Variants in COL24A1 observed in about 807,000 individuals in gnomAD.
COL24A1 encodes collagen alpha-1(XXIV) chain.
COL24A1 carries 224 observed loss-of-function variants against 253.9 expected under a neutral mutation model. That is an observed-to-expected ratio of 0.88 (90% CI 0.79 to 0.99). COL24A1 has a LOEUF of 0.99. Among genes scored for constraint, COL24A1 ranks in the 50% least tolerant of loss-of-function variants. The probability of loss-of-function intolerance (pLI) is 0.00; values close to 1 mark genes in which losing one functional copy is unlikely to be tolerated. For synonymous variants in COL24A1, 685 were observed against 673.7 expected (o/e 1.02, Z -0.26); for missense variants, 2,131 against 2,068.5 (o/e 1.03, Z -0.59).
At chr1:86,132,976 A>G (rs1034369242) in intron 2 of COL24A1, among the ~76,000 whole-genome samples, 1 of 148,976 alleles carries the variant, frequency 6.7e-6, no homozygotes, top group African/African-American at 2.4e-5. Context: ...CTTTTTCACG[A>G]TATTGATTCT....
intron 8 of COL24A1, among the ~76,000 whole-genome samples, chr1:86,061,278 A>G (rs1465093959): frequency 6.6e-6 from 1 of 152,098 alleles, no homozygotes; most frequent in Non-Finnish European, 1.5e-5. Context: ...ATCCAATTCC[A>G]AAACACATAG....
At chr1:85,942,384 C>T (rs1317433787) in intron 24 of COL24A1, among the ~76,000 whole-genome samples, 1 of 152,110 alleles carries the variant, frequency 6.6e-6, no homozygotes, top group Non-Finnish European at 1.5e-5. Context: ...TTACTTATTC[C>T]TGCTGGTTTT....
At chr1:85,821,474 T>G (rs2101970775) in intron 45 of COL24A1, among the ~76,000 whole-genome samples, 1 of 152,310 alleles carries the variant, frequency 6.6e-6, no homozygotes, top group African/African-American at 2.4e-5. Flanking sequence ...CAGATAATTT[T>G]AAAGGGTCAT....
chr1:85,834,621 C>T (rs937798074), intron 43 of COL24A1, among the ~76,000 whole-genome samples: 2 of 152,160 alleles, frequency 1.3e-5, no homozygotes, highest in Admixed American at 1.3e-4. Flanking sequence ...CCGCCCACAG[C>T]AAAAAGAACT....
At chr1:85,988,169 A>G (rs1417057938) in intron 19 of COL24A1, among the ~76,000 whole-genome samples, 1 of 151,786 alleles carries the variant, frequency 6.6e-6, no homozygotes, top group Admixed American at 6.6e-5. Context: ...ATCTAACCCA[A>G]CTATCTTATT....
At chr1:86,000,314 C>G (rs1695279092) in intron 19 of COL24A1, among the ~76,000 whole-genome samples, 1 of 152,120 alleles carries the variant, frequency 6.6e-6, no homozygotes, top group Non-Finnish European at 1.5e-5. Flanking sequence ...TCGTTCTTCC[C>G]AACTAGACTA....
intron 28 of COL24A1, among the ~76,000 whole-genome samples, chr1:85,896,685 A>T (rs1234233874): frequency 2.0e-5 from 3 of 152,178 alleles, no homozygotes; most frequent in Non-Finnish European, 4.4e-5. Flanking sequence ...TTTTTAGTAC[A>T]GACGGGGTTT....
At chr1:86,063,440 T>C (rs1293060791) in intron 8 of COL24A1, among the ~76,000 whole-genome samples, 3 of 151,926 alleles carry the variant, frequency 2.0e-5, no homozygotes, top group Non-Finnish European at 4.4e-5. Flanking sequence ...TTTATGAGAC[T>C]CTCAAAGGGG....
At chr1:85,867,919 A>G (rs1679980429) in intron 37 of COL24A1, among the ~76,000 whole-genome samples, 1 of 151,918 alleles carries the variant, frequency 6.6e-6, no homozygotes, top group African/African-American at 2.4e-5. Flanking sequence ...TAATTTTTGT[A>G]TTTTTGGTGG....
chr1:85,859,833 A>G, intron 37 of COL24A1, among the ~76,000 whole-genome samples: 1 of 152,326 alleles, frequency 6.6e-6, no homozygotes, highest in Middle Eastern at 3.4e-3. Context: ...TACAGAAAGA[A>G]GAATGCTATT....
chr1:85,858,703 C>G (rs201382777), intron 37 of COL24A1, among the ~76,000 whole-genome samples: 1 of 150,694 alleles, frequency 6.6e-6, no homozygotes, highest in African/African-American at 2.4e-5. Context: ...TCCCTCCCTC[C>G]GTCCCTGCTT....
chr1:86,094,292 C>T (rs1159602742), intron 5 of COL24A1, among the ~76,000 whole-genome samples: 1 of 152,076 alleles, frequency 6.6e-6, no homozygotes, highest in Non-Finnish European at 1.5e-5. Context: ...TGTATATACA[C>T]CATGGAATAC....
chr1:86,036,939 G>A (rs1699079950), intron 12 of COL24A1, among the ~76,000 whole-genome samples: 2 of 152,106 alleles, frequency 1.3e-5, no homozygotes, highest in African/African-American at 4.8e-5. Flanking sequence ...GGATTATCAT[G>A]CAACAGAGAT....
chr1:85,866,216 T>G, intron 37 of COL24A1, among the ~76,000 whole-genome samples: 1 of 152,250 alleles, frequency 6.6e-6, no homozygotes, highest in South Asian at 2.1e-4. Context: ...TGAGCCAAGA[T>G]CGTGCCACTG....
chr1:86,142,541 C>CAAAAAAAAAAAAAAAAAAAAAAAAAAA (rs373720712), intron 2 of COL24A1, among the ~76,000 whole-genome samples: 1 of 144,010 alleles, frequency 6.9e-6, no homozygotes, highest in Admixed American at 7.0e-5. Flanking sequence ...AAACAAAAAA[C>CAAAAAAAAAAAAAAAAAAAAAAAAAAA]AAAAAACAAA....
At chr1:85,789,817 T>C (rs1217408038) in intron 47 of COL24A1, among the ~76,000 whole-genome samples, 1 of 152,192 alleles carries the variant, frequency 6.6e-6, no homozygotes, top group Admixed American at 6.5e-5. Flanking sequence ...ATCATGTGGT[T>C]TTTGTCTTTA....
rs554026716 is a variant in COL24A1 at position 85,816,011 on chromosome 1, C to T, written c.3951+777G>A. Among the ~76,000 whole-genome samples the T allele has an allele frequency of 5.9e-5, 9 of 152,174 alleles. No homozygotes were observed. In the South Asian group the frequency reaches 8.3e-4, roughly 14 times the overall value. On this transcript the variant is annotated intron_variant, in intron 47 of 59. Coordinates refer to ENST00000370571, the MANE Select transcript of COL24A1 (RefSeq NM_152890.7). ...CATTACTTTTTTCCCATAACTATCACGGTGGTTGCTCAATGGGCCCACTGG... is the reference window on the plus strand; with the variant it reads ...CATTACTTTTTTCCCATAACTATCATGGTGGTTGCTCAATGGGCCCACTGG...
intron 11 of COL24A1, among the ~76,000 whole-genome samples, chr1:86,048,853 T>C (rs1402981675): frequency 6.6e-6 from 1 of 152,198 alleles, no homozygotes; most frequent in Non-Finnish European, 1.5e-5. Flanking sequence ...AATGTGCCTA[T>C]TGATGGCCAG....
chr1:85,925,289 C>T (rs1687058598), intron 24 of COL24A1, among the ~76,000 whole-genome samples: 1 of 152,174 alleles, frequency 6.6e-6, no homozygotes. Context: ...ATGAAGCTAC[C>T]AATGACTTTC....
Sources: gnomAD v4.1 joint callset for allele counts (sites outside exome capture counted in the v4.1 genomes callset) on GRCh38, gnomAD v4.1.1 for gene constraint, MANE v1.5 for transcripts, NCBI Gene and HGNC (gene_info 2026-07-23, HGNC 2026-07-21) for gene names.